Variants in SUMF1 observed in about 807,000 individuals in gnomAD.
SUMF1 encodes the protein sulfatase modifying factor 1.
Under a neutral mutation model 47.6 loss-of-function variants are expected in SUMF1, and 48 were observed. The ratio of observed to expected loss-of-function variants is 1.01; its 90% CI spans 0.80 to 1.28. The LOEUF (loss-of-function observed/expected upper bound fraction) is 1.28. SUMF1 is among the 50% of genes most tolerant of loss of function. The pLI is 0.00. For missense variants in SUMF1, 571 were observed against 485.4 expected (o/e 1.18, Z -1.66); for synonymous variants, 230 against 192.1 (o/e 1.20, Z -1.63).
intron 9 of SUMF1, among the ~76,000 whole-genome samples, chr3:4,062,234 G>A (rs997346168): frequency 6.6e-6 from 1 of 152,080 alleles, no homozygotes; most frequent in Non-Finnish European, 1.5e-5. Flanking sequence ...AAATGTATTG[G>A]GAGCATGGTC....
At chr3:4,367,536 T>G (rs1221349106) in intron 8 of SUMF1, among the ~76,000 whole-genome samples, 2 of 151,726 alleles carry the variant, frequency 1.3e-5, no homozygotes. Flanking sequence ...AAGTCAATCC[T>G]AAGCCAAAAG....
At chr3:4,359,473 G>A (rs1575127737), downstream of SUMF1, among the ~76,000 whole-genome samples, 1 of 152,056 alleles carries the variant, frequency 6.6e-6, no homozygotes, top group East Asian at 1.9e-4. Flanking sequence ...TGTAAAGATG[G>A]GGTCTCGCTT....
intron 8 of SUMF1, among the ~76,000 whole-genome samples, chr3:4,112,866 C>T (rs1366667955): frequency 1.3e-5 from 2 of 152,098 alleles, no homozygotes; most frequent in African/African-American, 2.4e-5. Flanking sequence ...TAATTGCAAG[C>T]CCTCATGGTG....
At chr3:4,379,354 G>A (rs1298887696) in intron 7 of SUMF1, among the ~76,000 whole-genome samples, 2 of 152,226 alleles carry the variant, frequency 1.3e-5, no homozygotes, top group Non-Finnish European at 2.9e-5. Flanking sequence ...AAGATGAGGA[G>A]AGGATGCACA....
At position 4,284,388 on chromosome 3, in the gene SUMF1, G is replaced by A. The variant is rs1194798787; in HGVS notation, c.1014+91942C>T. Reference sequence around the variant, plus strand: ...TGATCAAGCAACTGCACTCCAGCCTGGATGACAAAATGAGACTCTGTCCCA... The same window carrying A: ...TGATCAAGCAACTGCACTCCAGCCTAGATGACAAAATGAGACTCTGTCCCA... On this transcript the variant is annotated intron_variant and NMD_transcript_variant, in intron 8 of 12. Coordinates refer to the SUMF1 transcript ENST00000448413. Among the ~76,000 whole-genome samples the A allele has an allele frequency of 2.0e-5, 3 of 147,300 alleles. No homozygotes were observed. In the Admixed American group the frequency reaches 2.1e-4, roughly 10 times the overall value.
intron 8 of SUMF1, among the ~76,000 whole-genome samples, chr3:4,124,668 A>C (rs1277973033): frequency 6.6e-6 from 1 of 152,126 alleles, no homozygotes; most frequent in Non-Finnish European, 1.5e-5. Context: ...ACACACATTT[A>C]CTATTTGGAA....
chr3:4,066,061 G>A (rs1260053228), intron 9 of SUMF1, among the ~76,000 whole-genome samples: 1 of 152,010 alleles, frequency 6.6e-6, no homozygotes, highest in Non-Finnish European at 1.5e-5. Flanking sequence ...CCAACAGAAT[G>A]AGCCTCCTGG....
At chr3:4,322,586 G>T (rs1698860020) in intron 8 of SUMF1, among the ~76,000 whole-genome samples, 1 of 151,850 alleles carries the variant, frequency 6.6e-6, no homozygotes, top group African/African-American at 2.4e-5. Context: ...CTTGACCCTA[G>T]GAGCTCAAGG....
chr3:4,355,088 G>A (rs911670573), intron 8 of SUMF1, among the ~76,000 whole-genome samples: 3 of 152,158 alleles, frequency 2.0e-5, no homozygotes, highest in African/African-American at 4.8e-5. Flanking sequence ...AGTGGCTCAC[G>A]CCTGTAATCC....
At chr3:4,212,296 G>C (rs1048690162) in intron 8 of SUMF1, among the ~76,000 whole-genome samples, 1 of 152,142 alleles carries the variant, frequency 6.6e-6, no homozygotes, top group Admixed American at 6.5e-5. Context: ...ACAGCATCGG[G>C]AGTGGACCTC....
At chr3:4,459,555 C>T (rs1308370509) in intron 1 of SUMF1, among the ~76,000 whole-genome samples, 1 of 152,122 alleles carries the variant, frequency 6.6e-6, no homozygotes, top group East Asian at 1.9e-4. Flanking sequence ...TATGCGTGTA[C>T]TTCCCAATAA....
At chr3:4,398,371 A>G (rs1701104622) in intron 7 of SUMF1, among the ~76,000 whole-genome samples, 1 of 151,894 alleles carries the variant, frequency 6.6e-6, no homozygotes, top group African/African-American at 2.4e-5. Flanking sequence ...GCATATTCCT[A>G]TATTAAAAAG....
intron 8 of SUMF1, among the ~76,000 whole-genome samples, chr3:4,088,119 T>A (rs181128348): frequency 6.6e-6 from 1 of 152,210 alleles, no homozygotes; most frequent in African/African-American, 2.4e-5. Context: ...AAGATGGGGA[T>A]CCAGGTAGCC....
rs541076584 is a variant in SUMF1, at chr3:4,247,887, C to T, written c.1014+128443G>A. Among the ~76,000 whole-genome samples, 6 of 152,320 alleles carry T rather than the reference C, an allele frequency of 3.9e-5. No individual in the cohort carries two copies. In the South Asian group the frequency reaches 1.0e-3, roughly 26 times the overall value. Reference sequence around the variant, plus strand: ...CCAGTCTAAAATTGAAAACTCACAACATATATGATCTTAGGAGATAGTCCC... The same window carrying T: ...CCAGTCTAAAATTGAAAACTCACAATATATATGATCTTAGGAGATAGTCCC... On this transcript the variant is annotated intron_variant and NMD_transcript_variant, in intron 8 of 12. Transcript: ENST00000448413.
intron 8 of SUMF1, among the ~76,000 whole-genome samples, chr3:4,332,997 CA>C (rs1318057557): frequency 1.3e-5 from 2 of 152,128 alleles, no homozygotes; most frequent in African/African-American, 4.8e-5. Flanking sequence ...ACTGGATGGC[CA>C]AACTCCAGGG....
chr3:4,173,346 G>C (rs911362218), intron 8 of SUMF1, among the ~76,000 whole-genome samples: 3 of 152,248 alleles, frequency 2.0e-5, no homozygotes, highest in East Asian at 1.9e-4. Context: ...TCTCATGCCA[G>C]TTAGAATGGT....
At chr3:4,450,304 A>T (rs1463884459) in intron 2 of SUMF1, among the ~76,000 whole-genome samples, 1 of 152,200 alleles carries the variant, frequency 6.6e-6, no homozygotes, top group East Asian at 1.9e-4. Flanking sequence ...AATTAACTAT[A>T]GCCAGTACTC....
chr3:4,172,969 C>T (rs572624096), intron 8 of SUMF1, among the ~76,000 whole-genome samples: 18 of 152,102 alleles, frequency 1.2e-4, no homozygotes, highest in African/African-American at 1.9e-4. Context: ...TTTTCTTCTA[C>T]GGTTTCTATG....
intron 8 of SUMF1, among the ~76,000 whole-genome samples, chr3:4,178,115 A>C (rs1452655888): frequency 6.6e-6 from 1 of 152,180 alleles, no homozygotes; most frequent in Non-Finnish European, 1.5e-5. Context: ...CAGAGGTACA[A>C]AGAGGAGTTA....
Sources: allele counts gnomAD v4.1 joint callset (sites outside exome capture counted in the v4.1 genomes callset), GRCh38; gene constraint gnomAD v4.1.1; transcripts MANE v1.5; gene names NCBI Gene and HGNC (gene_info 2026-07-23, HGNC 2026-07-21).